Variants in CCDC88C observed in about 807,000 individuals in gnomAD.
The protein encoded by CCDC88C is coiled-coil and HOOK domain protein 88C.
In CCDC88C, 131 loss-of-function variants were observed where a neutral mutation model predicts 198.8. The ratio of observed to expected loss-of-function variants is 0.66; its 90% CI spans 0.57 to 0.76. The LOEUF is 0.76. CCDC88C is among the 30% of genes least tolerant of loss of function. The pLI is 0.00. For missense variants in CCDC88C, 2,553 were observed against 2,631.6 expected, an observed-to-expected ratio of 0.97 and a Z score of 0.65; for synonymous variants, 1,166 against 1,114.7, an observed-to-expected ratio of 1.05 and a Z score of -0.92.
intron 3 of CCDC88C, among the ~76,000 whole-genome samples, chr14:91,382,193 C>G (rs1567111820): frequency 1.3e-5 from 2 of 152,138 alleles, no homozygotes. Flanking sequence ...CTCCTGCCCC[C>G]ACAGCAGACA....
Position 91,324,925 on chromosome 14 carries a change from T to TG in CCDC88C, c.1198-3dup, listed in dbSNP as rs1430767496. 6 of 1,613,488 alleles carry TG rather than the reference T, an allele frequency of 3.7e-6. No homozygotes were observed. The highest frequency in any genetic ancestry group is 1.3e-5 in the African/African-American group (1 of 75,042). On this transcript the variant is annotated splice_polypyrimidine_tract_variant and splice_region_variant and intron_variant, in intron 11 of 29. Coordinates refer to ENST00000389857, the MANE Select transcript of CCDC88C (RefSeq NM_001080414.4). ...TCGTTTCTTATCTGTGTCCCGGTCC[T>TG]GGGGCAAGCAAGAAGAGGCAAGAAG...
At position 91,339,391 on chromosome 14, in the gene CCDC88C, G is replaced by A; in HGVS notation, c.696C>T (p.Ser232=). ...AQHPPSPIKS[S]SADSTPSPTS... ...TGGGGCTGGGAGTGGAGTCGGCGCT[G>A]GAGGACTTGATGGGGCTGGGTGGAT... Residue 232 remains serine (S), a synonymous_variant, in exon 8 of 30, where the codon TCC becomes TCT. Transcript: ENST00000389857. This position sits in a 1 kb window ranked among gnomAD's most constrained non-coding sequence, Gnocchi z 5.8. The A allele has an allele frequency of 4.3e-6, 7 of 1,613,596 alleles. No individual in the cohort carries two copies. The highest frequency in any genetic ancestry group is 5.9e-6 in the Non-Finnish European group (7 of 1,179,690).
Position 91,307,155 on chromosome 14 carries a change from G to A in CCDC88C, c.3078C>T (p.His1026=). 1 of 1,613,922 alleles carries A rather than the reference G, an allele frequency of 6.2e-7. No individual in the cohort carries two copies. The highest frequency in any genetic ancestry group is 8.5e-7 in the Non-Finnish European group (1 of 1,179,880). Residue 1026 remains histidine, a synonymous_variant, in exon 18 of 30, where the codon CAC becomes CAT. Coordinates refer to ENST00000389857, the MANE Select transcript of CCDC88C (RefSeq NM_001080414.4). The part of the protein sequence containing the change: ...EGQHLQNSFK[H]PAGKTAASHQ... ...GACTGGCGGCTGTCTTCCCCGCAGG[G>A]TGCTTGAAAGAGTTCTGCAAGTGCT...
intron 18 of CCDC88C, 98 bp downstream of exon 18, chr14:91,306,940 T>C (rs952719342): frequency 7.8e-7 from 1 of 1,289,746 alleles, no homozygotes; most frequent in Non-Finnish European, 1.0e-6. Flanking sequence ...AAATCTCCTG[T>C]GTTCTTTACA....
intron 29 of CCDC88C, among the ~76,000 whole-genome samples, chr14:91,274,524 C>T (rs1214293159): frequency 2.6e-5 from 4 of 152,222 alleles, no homozygotes; most frequent in Non-Finnish European, 5.9e-5. Context: ...GAGAGGCCGG[C>T]AGGTGTCAGC....
intron 21 of CCDC88C, among the ~76,000 whole-genome samples, chr14:91,299,544 A>G (rs1226701169): frequency 6.6e-6 from 1 of 152,214 alleles, no homozygotes; most frequent in Non-Finnish European, 1.5e-5. Flanking sequence ...GGCGGCAAAT[A>G]AAACTTTAGC....
intron 3 of CCDC88C, among the ~76,000 whole-genome samples, chr14:91,393,407 G>A (rs942607154): frequency 4.6e-5 from 7 of 152,172 alleles, no homozygotes; most frequent in African/African-American, 1.2e-4. Flanking sequence ...TCTACCTCCC[G>A]AAGGAAGAAA....
Position 91,399,854 on chromosome 14 carries a change from A to AG in CCDC88C, c.270+8804_270+8805insC, listed in dbSNP as rs1555429796. On this transcript the variant is annotated intron_variant, in intron 3 of 29. Coordinates refer to ENST00000389857, the MANE Select transcript of CCDC88C (RefSeq NM_001080414.4). ...ACTCCCTCTCAAAAAAAAAAAAAAA[A>AG]AAGAAGAAGAAGAAGAAGTAGTTGA... Among the ~76,000 whole-genome samples, 175 of 141,354 alleles carry AG rather than the reference A, an allele frequency of 1.2e-3. 1 individual carries two copies. The highest frequency in any genetic ancestry group is 4.1e-3 in the African/African-American group (155 of 38,196). 92.7% of individuals were successfully genotyped at this position (141,354 alleles called of 152,430 possible). A position where few individuals can be genotyped will look rare whatever the true frequency, so the allele number is the denominator to read the frequency against.
intron 10 of CCDC88C, among the ~76,000 whole-genome samples, chr14:91,329,190 T>C (rs1315300448): frequency 6.6e-6 from 1 of 152,248 alleles, no homozygotes; most frequent in Non-Finnish European, 1.5e-5. Flanking sequence ...TCACCCACTT[T>C]GAGAAGCATG....
Position 91,385,373 on chromosome 14 carries a change from C to G in CCDC88C, c.270+23286G>C, listed in dbSNP as rs191162040. On this transcript the variant is annotated intron_variant, in intron 3 of 29. Transcript: ENST00000389857. ...CCACCACCCCCACCCCATCAGGCCT[C>G]GATTCTGACAGACAGCAGCACCCTG... Among the ~76,000 whole-genome samples, 80 of 152,114 alleles carry G rather than the reference C, an allele frequency of 5.3e-4. 1 individual carries two copies. Among genetic ancestry groups the G allele is most frequent in the African/African-American group, 1.8e-3 (75 of 41,496 alleles).
At chr14:91,297,525 G>GT (rs536115087) in intron 21 of CCDC88C, 34 bp from the exon 22 acceptor site, 1 of 1,546,624 alleles carries the variant, frequency 6.5e-7, no homozygotes, top group South Asian at 1.2e-5. Context: ...CAAAGGAGCT[G>GT]AAGAGCCTGA....
At chr14:91,277,374 G>A (rs868358977) in intron 29 of CCDC88C, among the ~76,000 whole-genome samples, 7 of 152,168 alleles carry the variant, frequency 4.6e-5, no homozygotes, top group Non-Finnish European at 8.8e-5. Context: ...CACATCATGC[G>A]AAAATCATAT....
At chr14:91,361,579 C>G (rs1453058258) in intron 3 of CCDC88C, among the ~76,000 whole-genome samples, 1 of 152,186 alleles carries the variant, frequency 6.6e-6, no homozygotes, top group African/African-American at 2.4e-5. Flanking sequence ...CACACCAACC[C>G]CCCTCCACTC....
intron 4 of CCDC88C, among the ~76,000 whole-genome samples, chr14:91,351,835 C>T (rs549274180): frequency 1.1e-4 from 17 of 152,114 alleles, no homozygotes; most frequent in African/African-American, 3.9e-4. Flanking sequence ...GCACAACAGA[C>T]GACAGCTACC....
intron 16 of CCDC88C, among the ~76,000 whole-genome samples, chr14:91,309,609 C>CAAA (rs376702299): frequency 0.011 from 1,205 of 114,372 alleles, 19 homozygotes; most frequent in African/African-American, 0.036. Context: ...GACCCTGTCT[C>CAAA]AAAAAAAAAA....
chr14:91,289,367 A>T (rs1243034538), intron 24 of CCDC88C, 24 bp from the exon 25 acceptor site: 1 of 1,604,394 alleles, frequency 6.2e-7, no homozygotes, highest in Non-Finnish European at 8.5e-7. Context: ...GATGTTTAGG[A>T]CATAGCCAGC....
intron 21 of CCDC88C, among the ~76,000 whole-genome samples, chr14:91,299,146 C>T (rs1298096295): frequency 2.0e-5 from 3 of 152,178 alleles, no homozygotes; most frequent in Non-Finnish European, 4.4e-5. Flanking sequence ...CAATACATAA[C>T]CTTGTTTTAT....
At chr14:91,318,193 A>C (rs1316229499) in intron 13 of CCDC88C, among the ~76,000 whole-genome samples, 6 of 152,130 alleles carry the variant, frequency 3.9e-5, no homozygotes, top group Non-Finnish European at 8.8e-5. Context: ...GCTGAGACCG[A>C]AGGACTGCTT....
At chr14:91,330,427 G>C (rs940824485) in intron 10 of CCDC88C, among the ~76,000 whole-genome samples, 2 of 152,162 alleles carry the variant, frequency 1.3e-5, no homozygotes, top group African/African-American at 4.8e-5. Flanking sequence ...GGCTGCAAAG[G>C]CCTCTGCAGC....
Sources: allele counts gnomAD v4.1 joint callset (sites outside exome capture counted in the v4.1 genomes callset), GRCh38; gene constraint gnomAD v4.1.1; non-coding constraint Gnocchi (gnomAD v3.1); transcripts MANE v1.5; gene names NCBI Gene and HGNC (gene_info 2026-07-23, HGNC 2026-07-21).